Variants in YAE1 observed in about 807,000 individuals in gnomAD.
YAE1 encodes the protein protein YAE1 homolog.
Under a neutral mutation model 23.0 loss-of-function variants are expected in YAE1, and 22 were observed. The observed-to-expected ratio is 0.96, with a 90% CI of 0.68 to 1.37. YAE1 has a LOEUF of 1.37. Ranked by LOEUF, YAE1 falls within the 40% of genes most tolerant of loss-of-function variation. YAE1 has a pLI of 0.00. For synonymous variants in YAE1, 101 were observed against 97.0 expected, an observed-to-expected ratio of 1.04 and a Z score of -0.24; for missense variants, 260 against 262.1, an observed-to-expected ratio of 0.99 and a Z score of 0.06.
intron 1 of YAE1, among the ~76,000 whole-genome samples, chr7:39,568,898 T>C (rs1790517951): frequency 6.6e-6 from 1 of 152,162 alleles, no homozygotes; most frequent in Non-Finnish European, 1.5e-5. Flanking sequence ...TTGGAATATA[T>C]CTCTAAAACC....
chr7:39,589,027 A>T lies in YAE1; in HGVS notation c.251+18400A>T, dbSNP rs138018943. Among the ~76,000 whole-genome samples the T allele has an allele frequency of 1.5e-4, 23 of 152,138 alleles. 2 individuals carry two copies. The highest frequency in any genetic ancestry group is 1.5e-3 in the Admixed American group (23 of 15,294). Reference sequence around the variant, plus strand: ...TAGTAGAGACAGGTTTTGCCATGTTAGCCAGGCTGGTCTCGAACTCGTGGC... The same window carrying T: ...TAGTAGAGACAGGTTTTGCCATGTTTGCCAGGCTGGTCTCGAACTCGTGGC... On this transcript the variant is annotated intron_variant, in intron 2 of 2. Coordinates refer to the YAE1 transcript ENST00000432096.
intron 2 of YAE1, among the ~76,000 whole-genome samples, chr7:39,600,047 G>C (rs1791033688): frequency 6.6e-6 from 1 of 152,190 alleles, no homozygotes. Context: ...GAAGTGAAAA[G>C]ATTGTAAAGG....
Position 39,566,581 on chromosome 7 carries a change from T to C in YAE1, c.129+34T>C, listed in dbSNP as rs754647547. 1.9e-6 allele frequency: 3 copies of C among 1,610,564 alleles called. No individual in the cohort carries two copies. The South Asian group carries it at 3.3e-5, about 18-fold the overall frequency. On this transcript the variant is annotated intron_variant, in intron 1 of 2. Coordinates refer to ENST00000223273, the MANE Select transcript of YAE1 (RefSeq NM_020192.5). ...GGTGTGGACGGCGCGGGGTGCTGGG[T>C]TGTGGGAAGAGGCGCGGAGTTGTGA...
intron 2 of YAE1, among the ~76,000 whole-genome samples, chr7:39,597,605 C>T (rs564261144): frequency 6.6e-6 from 1 of 152,308 alleles, no homozygotes; most frequent in South Asian, 2.1e-4. Flanking sequence ...GATCATCTAG[C>T]AAACCTTTAT....
intron 2 of YAE1, among the ~76,000 whole-genome samples, chr7:39,580,183 A>G (rs1583672951): frequency 6.6e-6 from 1 of 152,356 alleles, no homozygotes; most frequent in East Asian, 1.9e-4. Context: ...GGTTTAGCAC[A>G]TATACTAAAG....
intron 2 of YAE1, among the ~76,000 whole-genome samples, chr7:39,588,641 T>C (rs1420150096): frequency 1.3e-5 from 2 of 152,148 alleles, no homozygotes; most frequent in Non-Finnish European, 2.9e-5. Context: ...CTTTGATACA[T>C]GTATCAAGTA....
At chr7:39,601,296 C>T (rs756341956) in intron 2 of YAE1, among the ~76,000 whole-genome samples, 1 of 152,146 alleles carries the variant, frequency 6.6e-6, no homozygotes, top group African/African-American at 2.4e-5. Context: ...AACAGCAGAA[C>T]AGTTTTCATT....
chr7:39,610,077 G>A (rs1188226934), exon 3 of YAE1: 2 of 1,421,376 alleles, frequency 1.4e-6, no homozygotes, highest in Middle Eastern at 2.4e-4. Context: ...TTTCTCCTGG[G>A]TGAAGATGGA....
chr7:39,599,372 T>TTTTTTG (rs147011949), intron 2 of YAE1, among the ~76,000 whole-genome samples: 21,313 of 151,736 alleles, frequency 0.14, 3,893 homozygotes, highest in African/African-American at 0.42. Context: ...TTTGTTTTGT[T>TTTTTTG]TTTTTGTTTT....
chr7:39,576,886 A>C (rs1790663360), downstream of YAE1, among the ~76,000 whole-genome samples: 1 of 152,118 alleles, frequency 6.6e-6, no homozygotes, highest in Non-Finnish European at 1.5e-5. Flanking sequence ...TTCTTTTGTA[A>C]ATCTTTATGT....
intron 2 of YAE1, among the ~76,000 whole-genome samples, chr7:39,591,661 C>T (rs1163427477): frequency 6.6e-6 from 1 of 151,082 alleles, no homozygotes; most frequent in Non-Finnish European, 1.5e-5. Flanking sequence ...GTTACAATTA[C>T]CAAACTTACA....
intron 2 of YAE1, among the ~76,000 whole-genome samples, chr7:39,595,476 A>T (rs568377737): frequency 6.6e-6 from 1 of 152,280 alleles, no homozygotes; most frequent in Non-Finnish European, 1.5e-5. Flanking sequence ...CACACAGTCA[A>T]CTCAGTCAAG....
At chr7:39,571,398 C>T in intron 2 of YAE1, among the ~76,000 whole-genome samples, 1 of 150,874 alleles carries the variant, frequency 6.6e-6, no homozygotes. Flanking sequence ...TGCTTTATAC[C>T]CTTTACACTG....
At chr7:39,573,123 A>G (rs17770625), downstream of YAE1, among the ~76,000 whole-genome samples, 1,855 of 152,262 alleles carry the variant, frequency 0.012, 57 homozygotes, top group East Asian at 0.13. Flanking sequence ...GTAAATATAG[A>G]CACACAGACA....
intron 2 of YAE1, among the ~76,000 whole-genome samples, chr7:39,601,662 G>A (rs1346447120): frequency 1.3e-5 from 2 of 151,242 alleles, no homozygotes; most frequent in Non-Finnish European, 2.9e-5. Context: ...GGGAGGCTGA[G>A]GCAGGAGAAT....
At chr7:39,598,534 C>T (rs1017482624) in intron 2 of YAE1, among the ~76,000 whole-genome samples, 9 of 151,592 alleles carry the variant, frequency 5.9e-5, no homozygotes, top group Non-Finnish European at 1.2e-4. Flanking sequence ...CCCAGCCCTT[C>T]GGTAGGCCAA....
intron 1 of YAE1, chr7:39,569,435 C>A: frequency 2.1e-6 from 1 of 487,316 alleles, no homozygotes; most frequent in South Asian, 1.6e-5. Context: ...TGTGGAAAGT[C>A]TTTGTTCCTT....
At chr7:39,582,754 A>C (rs17687978) in intron 2 of YAE1, among the ~76,000 whole-genome samples, 16,522 of 152,062 alleles carry the variant, frequency 0.11, 1,196 homozygotes, top group Admixed American at 0.21. Flanking sequence ...TAGTGTGAAC[A>C]TGATACTTCT....
In YAE1 at chr7:39,589,956, T is replaced by C. The variant is rs555170074; in HGVS notation, c.251+19329T>C. Among the ~76,000 whole-genome samples the C allele has an allele frequency of 2.0e-5, 3 of 152,274 alleles. No individual in the cohort carries two copies. In the East Asian group the frequency reaches 5.8e-4, roughly 29 times the overall value. ...CACCGAAAGTCCCTTTCCAAAAACCTTGGGACTTAGAGGAAGAAAACAACT... is the reference window on the plus strand; with the variant it reads ...CACCGAAAGTCCCTTTCCAAAAACCCTGGGACTTAGAGGAAGAAAACAACT... On this transcript the variant is annotated intron_variant, in intron 2 of 2. Coordinates refer to the YAE1 transcript ENST00000432096.
Sources: gnomAD v4.1 joint callset for allele counts (sites outside exome capture counted in the v4.1 genomes callset) on GRCh38, gnomAD v4.1.1 for gene constraint, MANE v1.5 for transcripts, NCBI Gene and HGNC (gene_info 2026-07-23, HGNC 2026-07-21) for gene names.